NCALD: variants seen among roughly 807,000 people sequenced by gnomAD.
The protein encoded by NCALD is neurocalcin-delta.
A neutral mutation model predicts 18.6 loss-of-function variants in NCALD; 10 were observed. The observed-to-expected ratio is 0.54, with a 90% CI of 0.33 to 0.91. The LOEUF (loss-of-function observed/expected upper bound fraction) is 0.91, where lower values mean the gene tolerates loss of function less well. NCALD is among the 40% of genes least tolerant of loss of function. The pLI is 0.03. For synonymous variants in NCALD, 88 were observed against 87.4 expected, an observed-to-expected ratio of 1.01 and a Z score of -0.04; for missense variants, 184 against 247.6, an observed-to-expected ratio of 0.74 and a Z score of 1.72.
At chr8:102,035,330 A>G (rs1299796429) in intron 1 of NCALD, among the ~76,000 whole-genome samples, 5 of 152,086 alleles carry the variant, frequency 3.3e-5, no homozygotes, top group Admixed American at 3.3e-4. Context: ...ATATTGGTCT[A>G]TTTTCCAGAA....
At chr8:101,761,910 G>A (rs919886352) in intron 1 of NCALD, among the ~76,000 whole-genome samples, 3 of 152,206 alleles carry the variant, frequency 2.0e-5, no homozygotes, top group African/African-American at 7.2e-5. Context: ...GGCCTCGAAT[G>A]TACATGTGGG....
At chr8:101,852,558 G>A (rs1479730028) in intron 4 of NCALD, 2 of 152,210 alleles carry the variant, frequency 1.3e-5, no homozygotes, top group Admixed American at 6.5e-5. Context: ...GATCCACCAT[G>A]AGACATAACT....
At chr8:101,706,830 A>G (rs866418680) in intron 2 of NCALD, among the ~76,000 whole-genome samples, 4 of 152,242 alleles carry the variant, frequency 2.6e-5, no homozygotes, top group African/African-American at 7.2e-5. Context: ...TTTGCCAGAT[A>G]CCATACTTGA....
At chr8:102,036,641 G>A (rs889690607) in intron 1 of NCALD, among the ~76,000 whole-genome samples, 3 of 151,890 alleles carry the variant, frequency 2.0e-5, no homozygotes, top group Non-Finnish European at 2.9e-5. Flanking sequence ...TGGGCGTGGT[G>A]GTGCATACCT....
intron 1 of NCALD, among the ~76,000 whole-genome samples, chr8:101,745,053 G>C (rs1586379193): frequency 8.2e-6 from 1 of 121,458 alleles, no homozygotes; most frequent in East Asian, 3.1e-4. Context: ...AGGGTGGGGG[G>C]GACTATTCAT....
chr8:101,855,617 GA>G (rs1480284077), intron 4 of NCALD, among the ~76,000 whole-genome samples: 1 of 152,148 alleles, frequency 6.6e-6, no homozygotes, highest in Non-Finnish European at 1.5e-5. Context: ...TAGAGGGGAT[GA>G]TAATAAGAAT....
At chr8:101,883,208 G>A (rs1045184765) in intron 4 of NCALD, among the ~76,000 whole-genome samples, 12 of 151,986 alleles carry the variant, frequency 7.9e-5, no homozygotes, top group Admixed American at 2.6e-4. Context: ...ACTCTGACTC[G>A]ACAAAAAATA....
chr8:101,950,736 T>C (rs537240642), intron 2 of NCALD, among the ~76,000 whole-genome samples: 1 of 152,200 alleles, frequency 6.6e-6, no homozygotes, highest in South Asian at 2.1e-4. Flanking sequence ...AATTCCTGTG[T>C]AGCCTGTTGG....
rs149247024 is a variant in NCALD at position 101,888,518 on chromosome 8, A to G, written c.-106-1291T>C. Among the ~76,000 whole-genome samples, 1,434 of 152,214 alleles carry G rather than the reference A, an allele frequency of 9.4e-3. 10 individuals carry two copies. Among genetic ancestry groups the G allele is most frequent in the Non-Finnish European group, 0.014 (957 of 68,014 alleles). On this transcript the variant is annotated intron_variant, in intron 3 of 6. Transcript: ENST00000311028. ...GTGTAACCTCAAACTTCTATGCTAA[A>G]GCAATCCTCCTGCCTCAGCCTCCAG...
intron 3 of NCALD, among the ~76,000 whole-genome samples, chr8:101,905,384 T>C (rs1426555946): frequency 1.3e-5 from 2 of 151,828 alleles, no homozygotes; most frequent in Non-Finnish European, 2.9e-5. Flanking sequence ...ATTTCTTCCC[T>C]TCTCCAGCCT....
At chr8:102,016,096 A>G (rs1449085409) in intron 2 of NCALD, among the ~76,000 whole-genome samples, 2 of 152,208 alleles carry the variant, frequency 1.3e-5, no homozygotes, top group African/African-American at 4.8e-5. Flanking sequence ...GGTCCAAGCA[A>G]AAATCCACTG....
intron 2 of NCALD, among the ~76,000 whole-genome samples, chr8:101,706,284 T>C (rs1350325588): frequency 1.3e-5 from 2 of 151,660 alleles, no homozygotes; most frequent in Non-Finnish European, 2.9e-5. Context: ...AAGATGTCTC[T>C]GACTTGATTA....
intron 1 of NCALD, among the ~76,000 whole-genome samples, chr8:101,776,987 T>G (rs1398330892): frequency 6.6e-6 from 1 of 152,058 alleles, no homozygotes; most frequent in African/African-American, 2.4e-5. Flanking sequence ...TTGGATGAAT[T>G]AATAATCAAC....
intron 4 of NCALD, among the ~76,000 whole-genome samples, chr8:101,844,498 T>TAC (rs1384398278): frequency 1.3e-5 from 2 of 152,050 alleles, no homozygotes; most frequent in Admixed American, 6.5e-5. Context: ...TAGCTGAGAT[T>TAC]ACACACACAC....
intron 3 of NCALD, among the ~76,000 whole-genome samples, chr8:101,911,756 T>C (rs919293592): frequency 2.0e-5 from 3 of 152,244 alleles, no homozygotes; most frequent in African/African-American, 7.2e-5. Flanking sequence ...ACCTGCTTTC[T>C]TCATGGTGGC....
intron 3 of NCALD, among the ~76,000 whole-genome samples, chr8:101,898,389 T>TA (rs1563874509): frequency 1.3e-5 from 2 of 151,532 alleles, no homozygotes; most frequent in Admixed American, 6.6e-5. Flanking sequence ...TTTGTTTTTT[T>TA]AAAAAAATGT....
chr8:101,975,030 T>C (rs1820371198), intron 2 of NCALD, among the ~76,000 whole-genome samples: 4 of 152,250 alleles, frequency 2.6e-5, no homozygotes, highest in African/African-American at 9.6e-5. Flanking sequence ...GGTTTTTCAA[T>C]GCTTCTTAAG....
intron 4 of NCALD, among the ~76,000 whole-genome samples, chr8:101,815,367 A>G (rs1376764799): frequency 9.9e-5 from 15 of 151,682 alleles, no homozygotes. Context: ...AATAGAGCAC[A>G]GATAGTCTTT....
chr8:101,972,386 G>T (rs998615355), intron 2 of NCALD, among the ~76,000 whole-genome samples: 2 of 152,176 alleles, frequency 1.3e-5, no homozygotes, highest in African/African-American at 4.8e-5. Context: ...ATATGTTGTT[G>T]TGGGGATTAA....
Sources: gnomAD v4.1 joint callset for allele counts (sites outside exome capture counted in the v4.1 genomes callset) on GRCh38, gnomAD v4.1.1 for gene constraint, MANE v1.5 for transcripts, NCBI Gene and HGNC (gene_info 2026-07-23, HGNC 2026-07-21) for gene names.